Variants in AKAP13 observed in about 807,000 individuals in gnomAD.
AKAP13 encodes A-kinase anchoring protein 13.
Under a neutral mutation model 264.5 loss-of-function variants are expected in AKAP13, and 80 were observed. The observed-to-expected ratio is 0.30, with a 90% CI of 0.25 to 0.36. The LOEUF (loss-of-function observed/expected upper bound fraction) is 0.36. AKAP13 is among the 10% of genes least tolerant of loss of function. The probability of loss-of-function intolerance (pLI) is 1.00; values close to 1 mark genes in which losing one functional copy is unlikely to be tolerated. For missense variants in AKAP13, 3,712 were observed against 3,435.2 expected (o/e 1.08, Z -2.01); for synonymous variants, 1,380 against 1,250.2 (o/e 1.10, Z -2.19).
intron 1 of AKAP13, among the ~76,000 whole-genome samples, chr15:85,440,075 C>A (rs1204538913): frequency 6.6e-6 from 1 of 152,082 alleles, no homozygotes. Context: ...CCTAACAAAG[C>A]TTTCAGTGTT....
rs577920641 is a variant in AKAP13, at chr15:85,682,047, C to T, written c.5102-111C>T. ...AGAAGGAGGAGGTACCATGTGCTGA[C>T]TTTCACACGCTGTTTTTGCTTTAGC... On this transcript the variant is annotated intron_variant, in intron 14 of 36. Transcript: ENST00000394518. 5.3e-5 allele frequency: 53 copies of T among 1,006,830 alleles called. No homozygotes were observed. In the African/African-American group the frequency reaches 7.5e-4, roughly 14 times the overall value. The allele number at this position is 1,006,830 out of a possible 1,614,324, so 62.4% of individuals were successfully genotyped here.
At chr15:85,607,631 C>T (rs1567152339) in intron 8 of AKAP13, among the ~76,000 whole-genome samples, 1 of 152,114 alleles carries the variant, frequency 6.6e-6, no homozygotes, top group Non-Finnish European at 1.5e-5. Flanking sequence ...CCCTTCATTT[C>T]CTTTGATGTT....
At chr15:85,585,307 T>C (rs1596607021) in intron 7 of AKAP13, among the ~76,000 whole-genome samples, 2 of 152,348 alleles carry the variant, frequency 1.3e-5, no homozygotes, top group East Asian at 3.9e-4. Context: ...TACAAATCCT[T>C]GCTTTTTTGA....
rs1182984355 is a variant in AKAP13 at position 85,581,133 on chromosome 15, C to T, written c.3065C>T (p.Ala1022Val). ...GAAQSLVPPG[A>V]SLATESRQEA... The stretch of plus-strand genomic sequence containing the variant: ...GCCCAGAGCCTGGTGCCACCAGGAG[C>T]AAGTCTGGCCACAGAGTCAAGGCAG... Residue 1022 changes from alanine (A) to valine (V), a missense_variant, in exon 7 of 37, where the codon GCA becomes GTA. Physicochemically the swap from Ala to Val is moderately conservative, Grantham distance 64. Coordinates refer to ENST00000394518, the MANE Select transcript of AKAP13 (RefSeq NM_007200.5). 1.2e-6 allele frequency: 2 copies of T among 1,613,850 alleles called. No individual in the cohort carries two copies. Among genetic ancestry groups the T allele is most frequent in the African/African-American group, 2.7e-5 (2 of 74,934 alleles).
intron 2 of AKAP13, among the ~76,000 whole-genome samples, chr15:85,499,652 C>T (rs557205004): frequency 2.4e-4 from 36 of 152,090 alleles, no homozygotes; most frequent in African/African-American, 4.8e-4. Context: ...ACTGCACCCC[C>T]GAGCCCTGCC....
At chr15:85,652,415 T>C (rs1007580493) in intron 10 of AKAP13, among the ~76,000 whole-genome samples, 5 of 152,234 alleles carry the variant, frequency 3.3e-5, no homozygotes, top group African/African-American at 1.2e-4. Context: ...AAGAAGGCTA[T>C]ATGGTAAATT....
intron 12 of AKAP13, among the ~76,000 whole-genome samples, chr15:85,663,309 CAA>C (rs11435393): frequency 3.7e-5 from 5 of 134,740 alleles, no homozygotes; most frequent in Admixed American, 7.5e-5. Context: ...GGCTCTGTCT[CAA>C]AAAAAAAAAA....
At chr15:85,717,878 T>A (rs2087045587) in intron 21 of AKAP13, 129 bp from the exon 22 acceptor site, 2 of 882,370 alleles carry the variant, frequency 2.3e-6, no homozygotes, top group African/African-American at 1.7e-5. Flanking sequence ...TACTAGAATA[T>A]GATCTCTGTG....
At chr15:85,573,418 C>T (rs974298533) in intron 5 of AKAP13, among the ~76,000 whole-genome samples, 4 of 151,990 alleles carry the variant, frequency 2.6e-5, no homozygotes, top group Admixed American at 6.6e-5. Flanking sequence ...TGGTGGGACG[C>T]GCCTGTAATC....
Position 85,746,349 on chromosome 15 carries a change from G to C in AKAP13, c.*1672G>C, listed in dbSNP as rs910898413. The C allele has an allele frequency of 6.6e-6, 1 of 152,086 alleles. No individual in the cohort carries two copies. Among genetic ancestry groups the C allele is most frequent in the Non-Finnish European group, 1.5e-5 (1 of 68,016 alleles). 9.4% of individuals were successfully genotyped at this position (152,086 alleles called of 1,614,324 possible). On this transcript the variant is annotated 3_prime_UTR_variant, in exon 37 of 37. Transcript: ENST00000394518. ...AGGGTGAGCCAGGTCTAGCCCAACAGTCTAAACTATCCAGTCAATACCGAG... is the reference window on the plus strand; with the variant it reads ...AGGGTGAGCCAGGTCTAGCCCAACACTCTAAACTATCCAGTCAATACCGAG...
At chr15:85,435,222 C>G (rs1324784278) in intron 1 of AKAP13, among the ~76,000 whole-genome samples, 1 of 149,676 alleles carries the variant, frequency 6.7e-6, no homozygotes, top group African/African-American at 2.5e-5. Flanking sequence ...AGGGTATCAG[C>G]AATGGAAGAT....
intron 6 of AKAP13, among the ~76,000 whole-genome samples, chr15:85,578,704 A>G (rs11631806): frequency 0.62 from 94,423 of 151,976 alleles, 29,502 homozygotes; most frequent in Middle Eastern, 0.72. Context: ...GATATTTCAT[A>G]TATCCTAATC....
chr15:85,428,696 AC>A (rs1196122041), intron 1 of AKAP13, among the ~76,000 whole-genome samples: 2 of 152,228 alleles, frequency 1.3e-5, no homozygotes, highest in South Asian at 4.1e-4. Context: ...CCTTACACTC[AC>A]GTTTGGCTTT....
chr15:85,698,182 T>A (rs936147226), intron 17 of AKAP13, among the ~76,000 whole-genome samples: 1 of 152,064 alleles, frequency 6.6e-6, no homozygotes, highest in African/African-American at 2.4e-5. Context: ...AGAGAGAATA[T>A]AAGGGCCAGG....
chr15:85,702,522 C>T (rs1288766480), intron 17 of AKAP13: 2 of 152,110 alleles, frequency 1.3e-5, no homozygotes, highest in Non-Finnish European at 2.9e-5. Flanking sequence ...AGCATCCATG[C>T]AGTTAGTCGT....
chr15:85,678,729 C>T (rs1490152266), intron 14 of AKAP13, among the ~76,000 whole-genome samples: 5 of 151,908 alleles, frequency 3.3e-5, no homozygotes, highest in Non-Finnish European at 7.4e-5. Flanking sequence ...ATTAGCTGGG[C>T]ATAGTGATGG....
In AKAP13 at chr15:85,730,514, A is replaced by C. The variant is rs116261620; in HGVS notation, c.7089A>C (p.Glu2363Asp). 6,487 of 1,613,514 alleles carry C rather than the reference A, an allele frequency of 4.0e-3. 30 individuals are homozygous for C. Among genetic ancestry groups the C allele is most frequent in the South Asian group, 6.7e-3 (608 of 91,064 alleles). The change falls in exon 30 of 37, where the codon GAA (glutamate) becomes GAC (aspartate). Residue 2363 changes from glutamate to aspartate, a missense_variant and splice_region_variant. This residue lies in a region of AKAP13 where 342 missense variants were observed against 484.3 expected (regional missense o/e 0.71). Coordinates refer to ENST00000394518, the MANE Select transcript of AKAP13 (RefSeq NM_007200.5). ...MLDTRARELK[E>D]QLHQKDQKIL... The stretch of plus-strand genomic sequence containing the variant: ...CAGATCATTTTCTCCTTCCTGCAGA[A>C]CAACTTCACCAGAAGGACCAAAAAA...
rs1311242803 is a variant in AKAP13, at chr15:85,664,747, G to C, written c.4984G>C (p.Asp1662His). Residue 1662 changes from aspartate to histidine, a missense_variant, in exon 13 of 37, where the codon GAT (aspartate) becomes CAT (histidine). Asp to His is a moderately conservative substitution (Grantham distance 81). Coordinates refer to ENST00000394518, the MANE Select transcript of AKAP13 (RefSeq NM_007200.5). ...ESDQREHRMF[D>H]QQICHRSKQQ... Reference sequence around the variant, plus strand: ...AGACCAGAGAGAACATAGGATGTTTGATCAGCAGGTAAGTCTTAAATATGT... The same window carrying C: ...AGACCAGAGAGAACATAGGATGTTTCATCAGCAGGTAAGTCTTAAATATGT... 7.4e-6 allele frequency: 12 copies of C among 1,611,828 alleles called. No individual in the cohort carries two copies. The highest frequency in any genetic ancestry group is 2.7e-5 in the African/African-American group (2 of 74,824).
intron 3 of AKAP13, among the ~76,000 whole-genome samples, chr15:85,531,690 G>A (rs755404412): frequency 6.6e-6 from 1 of 152,164 alleles, no homozygotes; most frequent in African/African-American, 2.4e-5. Flanking sequence ...GCTCGCACTT[G>A]CACACACACA....
Sources: gnomAD v4.1 joint callset for allele counts (sites outside exome capture counted in the v4.1 genomes callset) on GRCh38, gnomAD v4.1.1 for gene constraint, gnomAD v4.1.1 regional missense constraint, MANE v1.5 for transcripts, NCBI Gene and HGNC (gene_info 2026-07-23, HGNC 2026-07-21) for gene names.